The following TRPM1 variants were observed in gnomAD, a reference collection of about 807,000 sequenced individuals.
TRPM1 encodes the protein transient receptor potential cation channel subfamily M member 1.
In TRPM1, 113 loss-of-function variants were observed where a neutral mutation model predicts 149.4. The ratio of observed to expected loss-of-function variants is 0.76; its 90% CI spans 0.65 to 0.88. TRPM1 has a LOEUF of 0.88. Among genes scored for constraint, TRPM1 ranks in the 40% least tolerant of loss-of-function variants. TRPM1 has a pLI of 0.00. For missense variants in TRPM1, 1,976 were observed against 2,038.7 expected (o/e 0.97, Z 0.59); for synonymous variants, 741 against 759.5 (o/e 0.98, Z 0.40).
intron 18 of TRPM1, 53 bp from the exon 19 acceptor site, chr15:31,038,219 C>T: frequency 2.5e-6 from 4 of 1,602,400 alleles, no homozygotes; most frequent in Non-Finnish European, 3.4e-6. Flanking sequence ...AAAAATGTCC[C>T]AGCATAGTTA....
chr15:31,060,627 G>A lies in TRPM1; in HGVS notation c.1180C>T (p.Pro394Ser). 6 of 1,614,182 alleles carry A rather than the reference G, an allele frequency of 3.7e-6. No homozygotes were observed. The highest frequency in any genetic ancestry group is 5.1e-6 in the Non-Finnish European group (6 of 1,180,022). ...GCCAGTGCCAAGCTCAGCTGATCTGGAGCAGATACGTTTGTTCCTGGAAAG... is the reference window on the plus strand; with the variant it reads ...GCCAGTGCCAAGCTCAGCTGATCTGAAGCAGATACGTTTGTTCCTGGAAAG... The part of the protein sequence containing the change: ...ALLKGTNVSA[P>S]DQLSLALAWN... The change falls in exon 11 of 28, where the codon CCA (proline) becomes TCA (serine). Residue 394 changes from proline (P) to serine (S), a missense_variant. By Grantham distance (74) the Pro-to-Ser change is moderately conservative (BLOSUM62 -1). Around this residue, in one of 3 missense-constraint regions of TRPM1, gnomAD observed 1,332 missense variants for 1,347.1 expected, o/e 0.99. Transcript: ENST00000256552.
At chr15:31,038,233 T>C in intron 18 of TRPM1, 67 bp from the exon 19 acceptor site, 1 of 1,576,656 alleles carries the variant, frequency 6.3e-7, no homozygotes, top group Non-Finnish European at 8.7e-7. Context: ...ATAGTTAAAA[T>C]TTTTAAATTA....
At chr15:31,047,378 G>A in intron 14 of TRPM1, 127 bp from the exon 15 acceptor site, 1 of 1,036,058 alleles carries the variant, frequency 9.7e-7, no homozygotes, top group East Asian at 2.6e-5. Context: ...TGGGTGGGTG[G>A]GGGATTAAAC....
intron 5 of TRPM1, 131 bp from the exon 6 acceptor site, chr15:31,067,318 T>C (rs2034405976): frequency 7.5e-6 from 10 of 1,333,474 alleles, no homozygotes; most frequent in Non-Finnish European, 2.2e-6. Flanking sequence ...CTCATCTTTA[T>C]CATTAAAACA....
chr15:31,038,068 G>A lies in TRPM1; in HGVS notation c.2415C>T (p.Gly805=), dbSNP rs536612677. The change falls in exon 19 of 28, where the codon GGC becomes GGT. Residue 805 remains glycine (G), a synonymous_variant. Transcript: ENST00000256552. ...SYQTSKENED[G]KEKEEENTDA... is the part of the protein sequence containing the mutation. ...CCGTATTTTCCTCTTCTTTTTCTTT[G>A]CCATCCTCATTTTCCTTGGATGTTT... 2 of 1,614,058 alleles carry A rather than the reference G, an allele frequency of 1.2e-6. No homozygotes were observed. The highest frequency in any genetic ancestry group is 2.2e-5 in the South Asian group (2 of 91,080).
At chr15:31,101,739 G>A, upstream of TRPM1, 1 of 985,762 alleles carries the variant, frequency 1.0e-6, no homozygotes, top group South Asian at 4.7e-5. Flanking sequence ...TGGGTGAGGA[G>A]GGCCCACCCT....
intron 7 of TRPM1, 97 bp downstream of exon 7, chr15:31,065,979 T>A: frequency 2.8e-6 from 4 of 1,441,178 alleles, no homozygotes; most frequent in Non-Finnish European, 3.8e-6. Flanking sequence ...GCAAGGTTAA[T>A]CTTCTAATCC....
Position 31,032,875 on chromosome 15 carries a change from G to A in TRPM1, c.2766C>T (p.Asn922=), listed in dbSNP as rs554733651. The stretch of plus-strand genomic sequence containing the variant: ...TGGAAATGGCCACGAGATCTGTGAT[G>A]TTCCAGTACTCCTGAAGCCAAACTT... ...KIKVWLQEYW[N]ITDLVAISTF... Residue 922 remains asparagine, a synonymous_variant, in exon 22 of 28, where the codon AAC becomes AAT. Transcript: ENST00000256552. The A allele has an allele frequency of 8.1e-6, 13 of 1,614,232 alleles. No homozygotes were observed. In the South Asian group the frequency reaches 1.3e-4, roughly 16 times the overall value.
At chr15:31,048,483 G>A (rs182569553) in intron 13 of TRPM1, among the ~76,000 whole-genome samples, 2 of 152,152 alleles carry the variant, frequency 1.3e-5, no homozygotes, top group Non-Finnish European at 2.9e-5. Context: ...GTATCTTAAG[G>A]TGCACAATAT....
At chr15:31,102,203 ACTCT>A (rs1196663432), upstream of TRPM1, among the ~76,000 whole-genome samples, 3 of 151,632 alleles carry the variant, frequency 2.0e-5, no homozygotes, top group African/African-American at 7.3e-5. Context: ...GCCCCACATG[ACTCT>A]CAGCCCCTTC....
intron 1 of TRPM1, among the ~76,000 whole-genome samples, chr15:31,089,005 GGGTGAGGCA>G (rs1314663951): frequency 6.6e-6 from 1 of 152,174 alleles, no homozygotes; most frequent in Non-Finnish European, 1.5e-5. Flanking sequence ...TCTAGATTTA[GGGTGAGGCA>G]AGTGAGGCAC....
At chr15:31,135,933 C>CT (rs1378956637) in intron 1 of TRPM1, among the ~76,000 whole-genome samples, 1 of 152,108 alleles carries the variant, frequency 6.6e-6, no homozygotes, top group African/African-American at 2.4e-5. Flanking sequence ...TCAGGTATTC[C>CT]TTTACAGTAA....
chr15:31,102,010 G>A (rs2035527164), upstream of TRPM1, among the ~76,000 whole-genome samples: 1 of 152,252 alleles, frequency 6.6e-6, no homozygotes, highest in Non-Finnish European at 1.5e-5. Flanking sequence ...GGAAATGTCA[G>A]CAGGGTTTGC....
At chr15:31,146,816 A>G (rs1009314729) in intron 1 of TRPM1, among the ~76,000 whole-genome samples, 4 of 152,118 alleles carry the variant, frequency 2.6e-5, no homozygotes, top group Admixed American at 6.5e-5. Flanking sequence ...CAGAAACCCC[A>G]TCTCTACTAA....
chr15:31,110,335 C>T (rs887069687), intron 1 of TRPM1, among the ~76,000 whole-genome samples: 5 of 151,996 alleles, frequency 3.3e-5, no homozygotes, highest in Admixed American at 6.6e-5. Flanking sequence ...AAGATAATTA[C>T]AAAAATAAAC....
At chr15:31,105,105 A>C (rs2035585226), upstream of TRPM1, among the ~76,000 whole-genome samples, 1 of 152,190 alleles carries the variant, frequency 6.6e-6, no homozygotes, top group South Asian at 2.1e-4. Flanking sequence ...TCAGAGTGTC[A>C]GTATAAATTC....
chr15:31,122,845 G>T lies in TRPM1; in HGVS notation c.54+38061C>A, dbSNP rs558705511. On this transcript the variant is annotated intron_variant, in intron 1 of 26. Coordinates refer to the TRPM1 transcript ENST00000542188. ...GGGATACTGACAAACTCATTCAAAGGTTTATACAGAAAGGTAAAAGACCCC... is the reference window on the plus strand; with the variant it reads ...GGGATACTGACAAACTCATTCAAAGTTTTATACAGAAAGGTAAAAGACCCC... Among the ~76,000 whole-genome samples, 14 of 152,170 alleles carry T rather than the reference G, an allele frequency of 9.2e-5. 1 individual carries two copies. The South Asian group carries it at 2.3e-3, about 25-fold the overall frequency.
intron 1 of TRPM1, among the ~76,000 whole-genome samples, chr15:31,099,368 C>A (rs1180047657): frequency 6.6e-6 from 1 of 152,060 alleles, no homozygotes; most frequent in Non-Finnish European, 1.5e-5. Flanking sequence ...GGGCTTCCAT[C>A]TTCCCAGGTC....
At chr15:31,061,561 G>T in intron 9 of TRPM1, 47 bp from the exon 10 acceptor site, 1 of 1,514,286 alleles carries the variant, frequency 6.6e-7, no homozygotes. Flanking sequence ...AAAACAAGAA[G>T]GAGATATGGG....
Sources: gnomAD v4.1 joint callset for allele counts (sites outside exome capture counted in the v4.1 genomes callset) on GRCh38, gnomAD v4.1.1 for gene constraint, gnomAD v4.1.1 regional missense constraint, MANE v1.5 for transcripts, NCBI Gene and HGNC (gene_info 2026-07-23, HGNC 2026-07-21) for gene names.